TMEM117: variants seen among roughly 807,000 people sequenced by gnomAD.
The protein encoded by TMEM117 is transmembrane protein 117.
A neutral mutation model predicts 52.4 loss-of-function variants in TMEM117; 27 were observed. The observed-to-expected ratio is 0.51, with a 90% CI of 0.38 to 0.71. TMEM117 has a LOEUF of 0.71. Among genes scored for constraint, TMEM117 ranks in the 30% least tolerant of loss-of-function variants. TMEM117 has a pLI of 0.00. For synonymous variants in TMEM117, 215 were observed against 206.3 expected (o/e 1.04, Z -0.36); for missense variants, 556 against 630.5 (o/e 0.88, Z 1.26).
intron 2 of TMEM117, among the ~76,000 whole-genome samples, chr12:43,917,309 GAGGAT>G (rs1944622443): frequency 6.6e-6 from 1 of 151,580 alleles, no homozygotes. Context: ...GCCAAAGCAG[GAGGAT>G]CGCTTGAGCT....
At chr12:44,359,252 G>T (rs1951690722) in intron 6 of TMEM117, among the ~76,000 whole-genome samples, 1 of 151,254 alleles carries the variant, frequency 6.6e-6, no homozygotes, top group Non-Finnish European at 1.5e-5. Context: ...ATAACAAAGT[G>T]TCTAGAGTGT....
rs557288760 is a variant in TMEM117, at chr12:44,067,335, C to A, written c.411-76190C>A. 1.8e-4 allele frequency among the ~76,000 whole-genome samples: 27 copies of A among 152,240 alleles called. No homozygotes were observed. The South Asian group carries it at 5.4e-3, about 30-fold the overall frequency. ...CTTAATGTCATCTAGAATGGTGAAT[C>A]CTTTCCAGACTATTTTCAATTTACT... On this transcript the variant is annotated intron_variant, in intron 3 of 7. Coordinates refer to ENST00000266534, the MANE Select transcript of TMEM117 (RefSeq NM_032256.3).
chr12:43,926,932 G>T (rs943795563), intron 2 of TMEM117, among the ~76,000 whole-genome samples: 1 of 151,238 alleles, frequency 6.6e-6, no homozygotes, highest in Admixed American at 6.6e-5. Context: ...TTATTTTTTC[G>T]TATCTTTTAA....
intron 2 of TMEM117, among the ~76,000 whole-genome samples, chr12:43,936,589 G>C (rs58657539): frequency 0.013 from 1,914 of 152,218 alleles, 45 homozygotes; most frequent in African/African-American, 0.043. Flanking sequence ...TATTTATGGG[G>C]TAATTGGAAG....
rs75163855 is a variant in TMEM117, at chr12:43,921,129, T to C, written c.278-23081T>C. 7.3e-3 allele frequency among the ~76,000 whole-genome samples: 1,108 copies of C among 152,350 alleles called. 12 individuals carry two copies. Among genetic ancestry groups the C allele is most frequent in the South Asian group, 0.013 (65 of 4,830 alleles). ...CTGAGCCCATGGCATTTTCTCATTT[T>C]TCTTTGGTACTTTTCTTACTAAGCT... On this transcript the variant is annotated intron_variant, in intron 2 of 7. Transcript: ENST00000266534.
chr12:44,111,759 C>G (rs1159704612), intron 3 of TMEM117, among the ~76,000 whole-genome samples: 1 of 142,502 alleles, frequency 7.0e-6, no homozygotes, highest in African/African-American at 2.9e-5. Context: ...TCCTGGGTAT[C>G]CTTGTTGACT....
In TMEM117 at chr12:44,178,001, ATAAT is replaced by A. The variant is rs149452358; in HGVS notation, c.511-33285_511-33282del. Among the ~76,000 whole-genome samples the A allele has an allele frequency of 8.2e-3, 1,244 of 152,316 alleles. 13 individuals carry two copies. Among genetic ancestry groups the A allele is most frequent in the African/African-American group, 0.029 (1,186 of 41,584 alleles). ...ACTCTTCCGTATGACAAACTCTTATATAATTAAAGACACATAATATAATTCACCT... is the reference window on the plus strand; with the variant it reads ...ACTCTTCCGTATGACAAACTCTTATATAAAGACACATAATATAATTCACCT... On this transcript the variant is annotated intron_variant, in intron 4 of 7. Coordinates refer to ENST00000266534, the MANE Select transcript of TMEM117 (RefSeq NM_032256.3).
chr12:44,026,986 C>T (rs1382563771), intron 3 of TMEM117, among the ~76,000 whole-genome samples: 1 of 151,486 alleles, frequency 6.6e-6, no homozygotes, highest in East Asian at 1.9e-4. Flanking sequence ...AATGATTGTT[C>T]TATCAACTGT....
At chr12:44,121,502 A>C (rs1948233910) in intron 3 of TMEM117, among the ~76,000 whole-genome samples, 1 of 152,228 alleles carries the variant, frequency 6.6e-6, no homozygotes. Context: ...CTTAATGAAT[A>C]GTAAATATAT....
chr12:44,086,380 ATT>A (rs202148791), intron 3 of TMEM117, among the ~76,000 whole-genome samples: 1 of 150,556 alleles, frequency 6.6e-6, no homozygotes. Context: ...CTCCCAGCTA[ATT>A]TTTTTTTGTA....
Position 44,223,238 on chromosome 12 carries a change from A to G in TMEM117, c.608+11851A>G, listed in dbSNP as rs868183598. Among the ~76,000 whole-genome samples, 8 of 152,198 alleles carry G rather than the reference A, an allele frequency of 5.3e-5. No individual in the cohort carries two copies. The South Asian group carries it at 1.7e-3, about 32-fold the overall frequency. ...GCAAAATGCCCCAGTGTGTGAACACATAGATGAATAGAAGGGAAAGATTTT... is the reference window on the plus strand; with the variant it reads ...GCAAAATGCCCCAGTGTGTGAACACGTAGATGAATAGAAGGGAAAGATTTT... On this transcript the variant is annotated intron_variant, in intron 5 of 7. Coordinates refer to ENST00000266534, the MANE Select transcript of TMEM117 (RefSeq NM_032256.3).
chr12:43,849,636 T>G (rs1303340061), intron 2 of TMEM117, among the ~76,000 whole-genome samples: 1 of 152,342 alleles, frequency 6.6e-6, no homozygotes, highest in Non-Finnish European at 1.5e-5. Flanking sequence ...CTCTCTTTTT[T>G]TTTTACTTAC....
chr12:43,861,938 A>T (rs879808427), intron 2 of TMEM117, among the ~76,000 whole-genome samples: 15 of 152,134 alleles, frequency 9.9e-5, no homozygotes, highest in Non-Finnish European at 2.1e-4. Flanking sequence ...GTGAGGTTGT[A>T]CTTGTGATTA....
intron 6 of TMEM117, among the ~76,000 whole-genome samples, chr12:44,363,784 A>G (rs555739948): frequency 1.2e-4 from 18 of 152,300 alleles, no homozygotes; most frequent in African/African-American, 3.8e-4. Context: ...ATAAATGATT[A>G]GTTGAGGTAT....
chr12:43,814,358 G>T, the TMEM117 span, among the ~76,000 whole-genome samples: 4 of 151,894 alleles, frequency 2.6e-5, no homozygotes, highest in Admixed American at 2.6e-4. Flanking sequence ...ATCTTTGCTG[G>T]GCTCTTTCTT....
intron 4 of TMEM117, among the ~76,000 whole-genome samples, chr12:44,150,068 G>A (rs1007198842): frequency 2.0e-5 from 3 of 152,062 alleles, no homozygotes; most frequent in Non-Finnish European, 4.4e-5. Context: ...CCTGTTCATT[G>A]GAACCATTTT....
Position 43,961,978 on chromosome 12 carries a change from T to C in TMEM117, c.410+17636T>C, listed in dbSNP as rs923532777. Among the ~76,000 whole-genome samples, 24 of 152,356 alleles carry C rather than the reference T, an allele frequency of 1.6e-4. No individual in the cohort carries two copies. The Middle Eastern group carries it at 0.01, about 65-fold the overall frequency. On this transcript the variant is annotated intron_variant, in intron 3 of 7. Coordinates refer to ENST00000266534, the MANE Select transcript of TMEM117 (RefSeq NM_032256.3). The stretch of plus-strand genomic sequence containing the variant: ...ATATTTCTGTGGCAGGTTATCCTAT[T>C]TGTTATTAACTCCATAGTTATTCTT...
intron 3 of TMEM117, among the ~76,000 whole-genome samples, chr12:44,072,641 C>A (rs973990492): frequency 1.3e-5 from 2 of 152,184 alleles, no homozygotes; most frequent in African/African-American, 2.4e-5. Context: ...ATAAAACAAA[C>A]AACAAACCTC....
In TMEM117 at chr12:44,276,828, A is replaced by G. The variant is rs565961256; in HGVS notation, c.609-22752A>G. Reference sequence around the variant, plus strand: ...ATTTAAAAATTAATTAGTGTGAGCTATGTCTATTAGCTAGACCTGTTTTTT... The same window carrying G: ...ATTTAAAAATTAATTAGTGTGAGCTGTGTCTATTAGCTAGACCTGTTTTTT... On this transcript the variant is annotated intron_variant, in intron 5 of 7. Transcript: ENST00000266534. 1.8e-4 allele frequency among the ~76,000 whole-genome samples: 27 copies of G among 152,164 alleles called. No individual in the cohort carries two copies. The South Asian group carries it at 5.4e-3, about 30-fold the overall frequency.
Sources: gnomAD v4.1 joint callset for allele counts (sites outside exome capture counted in the v4.1 genomes callset) on GRCh38, gnomAD v4.1.1 for gene constraint, MANE v1.5 for transcripts, NCBI Gene and HGNC (gene_info 2026-07-23, HGNC 2026-07-21) for gene names.